Variants in DNAH9 observed in about 807,000 individuals in gnomAD.
DNAH9 encodes dynein axonemal heavy chain 9.
In DNAH9, 345 loss-of-function variants were observed where a neutral mutation model predicts 471.6. That is an observed-to-expected ratio of 0.73 (90% CI 0.67 to 0.80). DNAH9 has a LOEUF of 0.80. Ranked by LOEUF, DNAH9 falls within the 30% of genes least tolerant of loss-of-function variation. DNAH9 has a pLI of 0.00. For synonymous variants in DNAH9, 2,093 were observed against 2,123.6 expected, an observed-to-expected ratio of 0.99 and a Z score of 0.40; for missense variants, 5,407 against 5,609.2, an observed-to-expected ratio of 0.96 and a Z score of 1.15.
intron 20 of DNAH9, among the ~76,000 whole-genome samples, chr17:11,693,154 C>T (rs112487458): frequency 3.3e-5 from 5 of 149,288 alleles, no homozygotes; most frequent in African/African-American, 9.9e-5. Context: ...ACCTTGTGAT[C>T]CACCCGCCTC....
At chr17:11,677,938 T>C (rs7223160) in intron 17 of DNAH9, among the ~76,000 whole-genome samples, 27,335 of 151,458 alleles carry the variant, frequency 0.18, 2,613 homozygotes, top group African/African-American at 0.24. Context: ...TGTTCATCCA[T>C]CAAATTATAT....
chr17:11,876,596 C>A (rs1325638467), intron 53 of DNAH9, among the ~76,000 whole-genome samples: 1 of 152,172 alleles, frequency 6.6e-6, no homozygotes, highest in East Asian at 1.9e-4. Flanking sequence ...CCAAGGTTCC[C>A]AGGGTAGCCA....
At chr17:11,947,593 A>G (rs1198298221) in intron 67 of DNAH9, among the ~76,000 whole-genome samples, 1 of 152,046 alleles carries the variant, frequency 6.6e-6, no homozygotes, top group Non-Finnish European at 1.5e-5. Flanking sequence ...TTTTAGATAT[A>G]TTGAGTTAAA....
chr17:11,889,106 T>C (rs1373481420), intron 57 of DNAH9, among the ~76,000 whole-genome samples: 1 of 152,200 alleles, frequency 6.6e-6, no homozygotes, highest in Non-Finnish European at 1.5e-5. Context: ...ATAAGACACA[T>C]TCACAGGGTG....
chr17:11,898,980 A>C (rs910310258), intron 59 of DNAH9, among the ~76,000 whole-genome samples: 4 of 152,288 alleles, frequency 2.6e-5, no homozygotes, highest in African/African-American at 9.6e-5. Context: ...GGGAAGCTTT[A>C]TCTCTCTATG....
rs150655405 is a variant in DNAH9, at chr17:11,870,599, G to A, written c.10054-999G>A. 3.8e-3 allele frequency among the ~76,000 whole-genome samples: 577 copies of A among 152,314 alleles called. 2 individuals carry two copies. The highest frequency in any genetic ancestry group is 0.014 in the Middle Eastern group (4 of 294). On this transcript the variant is annotated intron_variant, in intron 51 of 68. Coordinates refer to ENST00000262442, the MANE Select transcript of DNAH9 (RefSeq NM_001372.4). Reference sequence around the variant, plus strand: ...CTTCTGTGTGGCTTTGAGATGATCCGTTTAGCTGAACAGTTCAGTTTAGAG... The same window carrying A: ...CTTCTGTGTGGCTTTGAGATGATCCATTTAGCTGAACAGTTCAGTTTAGAG...
At chr17:11,685,251 G>GA (rs571756139) in intron 19 of DNAH9, among the ~76,000 whole-genome samples, 29 of 151,618 alleles carry the variant, frequency 1.9e-4, no homozygotes, top group East Asian at 7.7e-4. Context: ...GTTTCAGGGG[G>GA]AAAAAAAACA....
chr17:11,621,332 C>T (rs112118399), intron 6 of DNAH9, among the ~76,000 whole-genome samples: 106 of 137,300 alleles, frequency 7.7e-4, no homozygotes, highest in African/African-American at 2.8e-3. Flanking sequence ...CGTTTGAACT[C>T]GGGAGGTAGA....
rs757967025 is a variant in DNAH9 at position 11,757,639 on chromosome 17, A to G, written c.6942A>G (p.Leu2314=). 6 of 1,614,160 alleles carry G rather than the reference A, an allele frequency of 3.7e-6. No homozygotes were observed. The Admixed American group carries it at 1.0e-4, about 27-fold the overall frequency. ...KREIQTERAN[L]TILFDKYLPT... ...AAATCCAGACAGAGAGAGCCAACTTAACCATTTTGTTCGACAAGTATCTTC... is the reference window on the plus strand; with the variant it reads ...AAATCCAGACAGAGAGAGCCAACTTGACCATTTTGTTCGACAAGTATCTTC... Residue 2314 remains leucine, a synonymous_variant, in exon 35 of 69, where the codon TTA becomes TTG. Coordinates refer to ENST00000262442, the MANE Select transcript of DNAH9 (RefSeq NM_001372.4).
At chr17:11,877,931 T>G (rs1302672423) in intron 53 of DNAH9, among the ~76,000 whole-genome samples, 1 of 152,198 alleles carries the variant, frequency 6.6e-6, no homozygotes, top group East Asian at 1.9e-4. Context: ...AGACAGGGTT[T>G]CACCATATTG....
chr17:11,903,013 A>T, intron 60 of DNAH9, 101 bp downstream of exon 60: 1 of 1,316,750 alleles, frequency 7.6e-7, no homozygotes, highest in East Asian at 2.3e-5. Flanking sequence ...ATGTGTATAT[A>T]GTAGTTTCCT....
At chr17:11,651,017 G>A in intron 12 of DNAH9, 52 bp from the exon 13 acceptor site, 1 of 1,581,734 alleles carries the variant, frequency 6.3e-7, no homozygotes, top group Non-Finnish European at 8.6e-7. Flanking sequence ...CAATGCTGCA[G>A]ATTATTCATT....
chr17:11,946,686 AG>A (rs1975139732), intron 67 of DNAH9, among the ~76,000 whole-genome samples: 2 of 150,964 alleles, frequency 1.3e-5, no homozygotes, highest in Non-Finnish European at 3.0e-5. Context: ...AAAAAGAAAA[AG>A]AAAAAAAAAA....
At chr17:11,730,382 C>T (rs1167008079) in intron 28 of DNAH9, among the ~76,000 whole-genome samples, 1 of 152,196 alleles carries the variant, frequency 6.6e-6, no homozygotes, top group African/African-American at 2.4e-5. Context: ...ACCAGCACAC[C>T]TCTGCCTTGT....
chr17:11,661,876 T>C (rs1004003653), intron 14 of DNAH9, among the ~76,000 whole-genome samples: 2 of 152,172 alleles, frequency 1.3e-5, no homozygotes, highest in Admixed American at 1.3e-4. Context: ...TACAGTGTTT[T>C]ATATTTACTC....
chr17:11,928,040 T>C (rs1315222370), intron 62 of DNAH9, among the ~76,000 whole-genome samples: 2 of 152,222 alleles, frequency 1.3e-5, no homozygotes, highest in Non-Finnish European at 2.9e-5. Flanking sequence ...CCAATTTTCA[T>C]CTCAACAACT....
rs147887019 is a variant in DNAH9 at position 11,623,818 on chromosome 17, G to A, written c.1350+4037G>A. Reference sequence around the variant, plus strand: ...TTATCTCTCTGCATGCTCTCGTCACGGGTTAGAGTGTGAAGGGCTGGTTTT... The same window carrying A: ...TTATCTCTCTGCATGCTCTCGTCACAGGTTAGAGTGTGAAGGGCTGGTTTT... On this transcript the variant is annotated intron_variant, in intron 6 of 68. Coordinates refer to ENST00000262442, the MANE Select transcript of DNAH9 (RefSeq NM_001372.4). This position sits in a 1 kb window ranked among gnomAD's most constrained non-coding sequence, Gnocchi z 4.1. Among the ~76,000 whole-genome samples, 15 of 152,224 alleles carry A rather than the reference G, an allele frequency of 9.9e-5. No individual in the cohort carries two copies. The highest frequency in any genetic ancestry group is 1.6e-4 in the Non-Finnish European group (11 of 68,030).
chr17:11,890,932 TC>T (rs2151003651), intron 57 of DNAH9, among the ~76,000 whole-genome samples: 1 of 152,292 alleles, frequency 6.6e-6, no homozygotes, highest in African/African-American at 2.4e-5. Flanking sequence ...AGTGATCCTC[TC>T]AGCTCTACCT....
chr17:11,733,716 G>A (rs1453401902), intron 28 of DNAH9, among the ~76,000 whole-genome samples: 2 of 152,034 alleles, frequency 1.3e-5, no homozygotes, highest in Admixed American at 6.6e-5. Context: ...AAATTAGCCA[G>A]GCATGGTGGT....
Sources: allele counts gnomAD v4.1 joint callset (sites outside exome capture counted in the v4.1 genomes callset), GRCh38; gene constraint gnomAD v4.1.1; non-coding constraint Gnocchi (gnomAD v3.1); transcripts MANE v1.5; gene names NCBI Gene and HGNC (gene_info 2026-07-23, HGNC 2026-07-21).